Variants in PRRC2C observed in about 807,000 individuals in gnomAD.
The protein encoded by PRRC2C is protein PRRC2C.
A neutral mutation model predicts 317.2 loss-of-function variants in PRRC2C; 72 were observed. That is an observed-to-expected ratio of 0.23 (90% CI 0.19 to 0.28). The LOEUF is 0.28. Ranked by LOEUF, PRRC2C falls within the 10% of genes least tolerant of loss-of-function variation. The pLI is 1.00. For missense variants in PRRC2C, 3,074 were observed against 3,459.7 expected (o/e 0.89, Z 2.80); for synonymous variants, 1,296 against 1,205.9 (o/e 1.07, Z -1.55).
chr1:171,578,437 C>T (rs1647696346), intron 26 of PRRC2C, among the ~76,000 whole-genome samples: 1 of 152,072 alleles, frequency 6.6e-6, no homozygotes, highest in Admixed American at 6.5e-5. Flanking sequence ...CCTCTAGTTC[C>T]AGCTACTTGG....
At chr1:171,563,191 T>C (rs1683018248) in intron 20 of PRRC2C, among the ~76,000 whole-genome samples, 1 of 152,166 alleles carries the variant, frequency 6.6e-6, no homozygotes, top group Admixed American at 6.6e-5. Flanking sequence ...TCCACATCTG[T>C]AGAGATTGGT....
intron 17 of PRRC2C, among the ~76,000 whole-genome samples, chr1:171,547,437 G>T (rs1679320102): frequency 6.6e-6 from 1 of 152,150 alleles, no homozygotes; most frequent in South Asian, 2.1e-4. Context: ...TTAGAATTAT[G>T]ATGAGGTCTT....
At chr1:171,548,141 A>G (rs930447240) in intron 17 of PRRC2C, among the ~76,000 whole-genome samples, 36 of 151,586 alleles carry the variant, frequency 2.4e-4, no homozygotes, top group Non-Finnish European at 1.2e-4. Flanking sequence ...AATTTTTTGT[A>G]TTTTTAGTAG....
rs779149239 is a variant in PRRC2C at position 171,523,218 on chromosome 1, T to C, written c.834-3T>C. The C allele has an allele frequency of 1.2e-6, 2 of 1,605,688 alleles. No homozygotes were observed. The highest frequency in any genetic ancestry group is 1.7e-5 in the Admixed American group (1 of 57,532). Reference sequence around the variant, plus strand: ...ATCTTTTCCATGACCTGCCTTTCATTAGAGGCCTTCGAGGAAGAGGCCCAC... The same window carrying C: ...ATCTTTTCCATGACCTGCCTTTCATCAGAGGCCTTCGAGGAAGAGGCCCAC... On this transcript the variant is annotated splice_polypyrimidine_tract_variant and splice_region_variant and intron_variant, in intron 7 of 34. Transcript: ENST00000647382.
chr1:171,576,680 T>C (rs1685747983), intron 25 of PRRC2C, among the ~76,000 whole-genome samples: 1 of 152,094 alleles, frequency 6.6e-6, no homozygotes, highest in African/African-American at 2.4e-5. Context: ...TTAGTTGTTT[T>C]TGGAGTTGTG....
chr1:171,574,851 A>G, intron 24 of PRRC2C, 76 bp from the exon 25 acceptor site: 6 of 1,338,072 alleles, frequency 4.5e-6, no homozygotes, highest in Non-Finnish European at 6.2e-6. Flanking sequence ...GCACTTAAAT[A>G]CTGATACATG....
chr1:171,539,940 T>C, intron 15 of PRRC2C, 31 bp from the exon 16 acceptor site: 1 of 1,534,584 alleles, frequency 6.5e-7, no homozygotes, highest in Non-Finnish European at 8.8e-7. Flanking sequence ...ATTGCTTTGT[T>C]GATTATACCT....
chr1:171,539,147 A>G (rs1048229532), intron 15 of PRRC2C, among the ~76,000 whole-genome samples: 1 of 152,052 alleles, frequency 6.6e-6, no homozygotes, highest in South Asian at 2.1e-4. Context: ...GATTACAGGC[A>G]TGTGCCACCA....
chr1:171,528,200 A>C (rs1296010314), intron 11 of PRRC2C, among the ~76,000 whole-genome samples: 2 of 151,754 alleles, frequency 1.3e-5, no homozygotes, highest in Non-Finnish European at 2.9e-5. Context: ...AAACAACTTC[A>C]CAAAAACCTC....
At chr1:171,591,563 AGTT>A (rs778186518) in intron 34 of PRRC2C, 21 bp from the exon 35 acceptor site, 3 of 1,605,856 alleles carry the variant, frequency 1.9e-6, no homozygotes, top group Non-Finnish European at 2.6e-6. Context: ...CAGTATTTTC[AGTT>A]GTTCTTTCTC....
chr1:171,526,244 G>T (rs1038747263), intron 10 of PRRC2C, among the ~76,000 whole-genome samples: 2 of 152,160 alleles, frequency 1.3e-5, no homozygotes, highest in African/African-American at 4.8e-5. Context: ...CACTAGAAAA[G>T]AATTGAGCTT....
intron 15 of PRRC2C, among the ~76,000 whole-genome samples, chr1:171,539,347 A>G (rs1677499185): frequency 6.6e-6 from 1 of 152,162 alleles, no homozygotes; most frequent in African/African-American, 2.4e-5. Context: ...AGAACATTAG[A>G]TATATCCTCT....
chr1:171,554,999 A>G (rs1027404503), intron 18 of PRRC2C, among the ~76,000 whole-genome samples: 3 of 152,068 alleles, frequency 2.0e-5, no homozygotes, highest in African/African-American at 7.2e-5. Context: ...CTGAATTTGA[A>G]TGTTAGCCTG....
At chr1:171,513,485 C>G (rs779249021) in intron 3 of PRRC2C, 1 of 484,842 alleles carries the variant, frequency 2.1e-6, no homozygotes, top group African/African-American at 1.9e-5. Context: ...AGAGTTGACT[C>G]CGATACCTAA....
At chr1:171,524,673 G>A (rs1674235919) in intron 9 of PRRC2C, 148 bp from the exon 10 acceptor site, 1 of 712,414 alleles carries the variant, frequency 1.4e-6, no homozygotes, top group South Asian at 2.6e-5. Flanking sequence ...GAACAAATTA[G>A]CACTAATGGG....
In PRRC2C at chr1:171,589,349, G is replaced by GT; in HGVS notation, c.8200-16dup. The GT allele has an allele frequency of 1.1e-6, 1 of 927,024 alleles. No individual in the cohort carries two copies. The highest frequency in any genetic ancestry group is 1.5e-6 in the Non-Finnish European group (1 of 680,352). 57.4% of individuals were successfully genotyped at this position (927,024 alleles called of 1,614,324 possible). A position where few individuals can be genotyped will look rare whatever the true frequency, so the allele number is the denominator to read the frequency against. ...TTTTTTTAACAGTTCAATGTTGTATGTTTTGTTTTTTTCACTCAGATTCTC... is the reference window on the plus strand; with the variant it reads ...TTTTTTTAACAGTTCAATGTTGTATGTTTTTGTTTTTTTCACTCAGATTCTC... On this transcript the variant is annotated intron_variant, in intron 33 of 34. Transcript: ENST00000647382.
rs1648010226 is a variant in PRRC2C at position 171,579,483 on chromosome 1, C to T, written c.7272+17C>T. On this transcript the variant is annotated intron_variant, in intron 27 of 34. Transcript: ENST00000647382. ...CTCTCTCAGGTAATATCAAAGACTT[C>T]TTCCATCCTGTATTTGTTCCTTCGC... 6.2e-7 allele frequency: 1 copy of T among 1,611,376 alleles called. No individual in the cohort carries two copies. Among genetic ancestry groups the T allele is most frequent in the South Asian group, 1.1e-5 (1 of 90,986 alleles).
At chr1:171,534,730 C>T (rs780329949) in intron 12 of PRRC2C, among the ~76,000 whole-genome samples, 1 of 152,038 alleles carries the variant, frequency 6.6e-6, no homozygotes, top group Non-Finnish European at 1.5e-5. Context: ...CCTGCTCACT[C>T]TTTTACAACA....
At chr1:171,558,689 G>C (rs1681938694) in intron 19 of PRRC2C, among the ~76,000 whole-genome samples, 1 of 151,958 alleles carries the variant, frequency 6.6e-6, no homozygotes, top group Non-Finnish European at 1.5e-5. Flanking sequence ...TTGACCAGCT[G>C]TTCCCTGATA....
Sources: allele counts gnomAD v4.1 joint callset (sites outside exome capture counted in the v4.1 genomes callset), GRCh38; gene constraint gnomAD v4.1.1; transcripts MANE v1.5; gene names NCBI Gene and HGNC (gene_info 2026-07-23, HGNC 2026-07-21).